Variants in TMEM132B observed in about 807,000 individuals in gnomAD.
TMEM132B encodes transmembrane protein 132B.
In TMEM132B, 18 loss-of-function variants were observed where a neutral mutation model predicts 90.8. That is an observed-to-expected ratio of 0.20 (90% CI 0.14 to 0.29). The LOEUF is 0.29. TMEM132B is among the 10% of genes least tolerant of loss of function. TMEM132B has a pLI of 1.00. For missense variants in TMEM132B, 1,096 were observed against 1,326.8 expected (o/e 0.83, Z 2.70); for synonymous variants, 504 against 523.3 (o/e 0.96, Z 0.50).
At chr12:125,571,379 A>G (rs1884791354) in intron 4 of TMEM132B, among the ~76,000 whole-genome samples, 2 of 152,228 alleles carry the variant, frequency 1.3e-5, no homozygotes, top group East Asian at 1.9e-4. Context: ...AGGTACTTAC[A>G]ATATACCAGG....
intron 1 of TMEM132B, among the ~76,000 whole-genome samples, chr12:125,316,776 A>G (rs1477961191): frequency 6.6e-6 from 1 of 152,108 alleles, no homozygotes; most frequent in Non-Finnish European, 1.5e-5. Flanking sequence ...AGCGAGGGGG[A>G]CAGAGCAGTG....
At chr12:125,532,235 A>G (rs2136698894) in intron 4 of TMEM132B, among the ~76,000 whole-genome samples, 1 of 152,276 alleles carries the variant, frequency 6.6e-6, no homozygotes, top group South Asian at 2.1e-4. Flanking sequence ...CGGGAAAGAA[A>G]TGGGTGGTTG....
intron 3 of TMEM132B, among the ~76,000 whole-genome samples, chr12:125,427,935 C>T (rs1053436437): frequency 6.6e-6 from 1 of 151,952 alleles, no homozygotes; most frequent in Non-Finnish European, 1.5e-5. Flanking sequence ...CATCAGATTT[C>T]TGATGGGGTG....
Position 125,650,957 on chromosome 12 carries a change from C to G in TMEM132B, c.1914+4C>G. The G allele has an allele frequency of 6.2e-7, 1 of 1,611,902 alleles. No individual in the cohort carries two copies. Among genetic ancestry groups the G allele is most frequent in the Non-Finnish European group, 8.5e-7 (1 of 1,179,734 alleles). On this transcript the variant is annotated splice_donor_region_variant and intron_variant, in intron 7 of 8. Coordinates refer to ENST00000682704, the MANE Select transcript of TMEM132B (RefSeq NM_001366854.1). ...GCCGGGAATAACCACGGTGCAGGTA[C>G]ACGCCGCCATGCCTTGCCCAACAGC...
chr12:125,375,694 C>A (rs553703971), intron 2 of TMEM132B, among the ~76,000 whole-genome samples: 23 of 152,336 alleles, frequency 1.5e-4, no homozygotes, highest in African/African-American at 5.3e-4. Flanking sequence ...TTTGACTTAC[C>A]ACGGCTGCGT....
intron 4 of TMEM132B, among the ~76,000 whole-genome samples, chr12:125,521,209 C>T (rs1173813176): frequency 1.3e-5 from 2 of 152,148 alleles, no homozygotes; most frequent in Non-Finnish European, 2.9e-5. Context: ...TCTACTTCCA[C>T]CTTCTCCTTC....
chr12:125,419,925 G>A (rs1410543133), intron 3 of TMEM132B, among the ~76,000 whole-genome samples: 1 of 152,178 alleles, frequency 6.6e-6, no homozygotes, highest in African/African-American at 2.4e-5. Flanking sequence ...ATCCAGTGGG[G>A]CACTCAAAGC....
chr12:125,635,135 GATTTATTTATTTA>G (rs1166678342), intron 5 of TMEM132B, among the ~76,000 whole-genome samples: 5 of 152,140 alleles, frequency 3.3e-5, no homozygotes, highest in African/African-American at 1.2e-4. Flanking sequence ...CCTAGGGCTG[GATTTATTTATTTA>G]ATTTATTTAT....
intron 3 of TMEM132B, among the ~76,000 whole-genome samples, chr12:125,505,178 A>G (rs866207639): frequency 1.4e-5 from 2 of 141,274 alleles, no homozygotes; most frequent in African/African-American, 5.2e-5. Context: ...AAAAAAAAAA[A>G]AAAAAAAAAA....
chr12:125,573,000 T>A (rs1884837569), intron 4 of TMEM132B, among the ~76,000 whole-genome samples: 1 of 152,342 alleles, frequency 6.6e-6, no homozygotes, highest in African/African-American at 2.4e-5. Context: ...TTTTGACATT[T>A]TTTTTGAGCA....
intron 1 of TMEM132B, among the ~76,000 whole-genome samples, chr12:125,331,677 T>G (rs940451569): frequency 6.6e-6 from 1 of 152,220 alleles, no homozygotes; most frequent in African/African-American, 2.4e-5. Context: ...TTACTGGCTG[T>G]GTGACCTTAG....
At chr12:125,599,170 C>T (rs1288201742) in intron 5 of TMEM132B, among the ~76,000 whole-genome samples, 2 of 152,204 alleles carry the variant, frequency 1.3e-5, no homozygotes, top group East Asian at 1.9e-4. Flanking sequence ...TTCCCATGCT[C>T]TTCTGGTGAT....
intron 1 of TMEM132B, among the ~76,000 whole-genome samples, chr12:125,289,732 A>ATCAAG (rs1195061324): frequency 6.6e-6 from 1 of 152,222 alleles, no homozygotes; most frequent in Non-Finnish European, 1.5e-5. Context: ...GCACAGAGAC[A>ATCAAG]TCAAGTCACT....
At chr12:125,414,630 G>A (rs1879956954) in intron 2 of TMEM132B, among the ~76,000 whole-genome samples, 1 of 152,120 alleles carries the variant, frequency 6.6e-6, no homozygotes, top group Non-Finnish European at 1.5e-5. Flanking sequence ...CGCAGCATTA[G>A]TTTACATCCC....
At chr12:125,611,796 A>G (rs1885833925) in intron 5 of TMEM132B, among the ~76,000 whole-genome samples, 1 of 152,148 alleles carries the variant, frequency 6.6e-6, no homozygotes, top group African/African-American at 2.4e-5. Flanking sequence ...ACTTATTTAA[A>G]TTAACTGTGG....
rs1163300235 is a variant in TMEM132B at position 125,432,528 on chromosome 12, T to TAGAGAGAGAGAGAG, written c.1106+16877_1106+16890dup. ...GTGTGTGTGTATATATATATATATA[T>TAGAGAGAGAGAGAG]AGAGAGAGAGAGAGAGAGAGAGAGA... On this transcript the variant is annotated intron_variant, in intron 3 of 8. Coordinates refer to ENST00000682704, the MANE Select transcript of TMEM132B (RefSeq NM_001366854.1). Among the ~76,000 whole-genome samples the TAGAGAGAGAGAGAG allele has an allele frequency of 3.8e-4, 15 of 39,122 alleles. 1 individual carries two copies. The highest frequency in any genetic ancestry group is 6.5e-4 in the Non-Finnish European group (13 of 20,090). 25.7% of individuals were successfully genotyped at this position (39,122 alleles called of 152,430 possible). A position where few individuals can be genotyped will look rare whatever the true frequency, so the allele number is the denominator to read the frequency against.
intron 5 of TMEM132B, among the ~76,000 whole-genome samples, chr12:125,643,809 CA>C (rs1393785575): frequency 1.3e-5 from 2 of 152,152 alleles, no homozygotes; most frequent in African/African-American, 4.8e-5. Context: ...ACACAAAAGG[CA>C]ACAGAGGTTA....
At chr12:125,318,025 G>A (rs2136187109) in intron 1 of TMEM132B, among the ~76,000 whole-genome samples, 1 of 152,326 alleles carries the variant, frequency 6.6e-6, no homozygotes. Flanking sequence ...AGCAAAGTGA[G>A]TGGGTTACGG....
intron 1 of TMEM132B, among the ~76,000 whole-genome samples, chr12:125,193,952 C>T (rs1433215233): frequency 6.6e-6 from 1 of 152,216 alleles, no homozygotes; most frequent in Admixed American, 6.5e-5. Flanking sequence ...GTGTGGCTTT[C>T]CATCTTCCCA....
Sources: allele counts gnomAD v4.1 joint callset (sites outside exome capture counted in the v4.1 genomes callset), GRCh38; gene constraint gnomAD v4.1.1; transcripts MANE v1.5; gene names NCBI Gene and HGNC (gene_info 2026-07-23, HGNC 2026-07-21).